The following PYY variants were observed in gnomAD, a reference collection of about 807,000 sequenced individuals.
PYY encodes the protein peptide tyrosine tyrosine.
Under a neutral mutation model 10.3 loss-of-function variants are expected in PYY, and 12 were observed. The ratio of observed to expected loss-of-function variants is 1.17; its 90% CI spans 0.75 to 1.89. The LOEUF (loss-of-function observed/expected upper bound fraction) is 1.89, where lower values mean the gene tolerates loss of function less well. Ranked by LOEUF, PYY falls within the 40% of genes most tolerant of loss-of-function variation. PYY has a pLI of 0.00. For synonymous variants in PYY, 66 were observed against 62.0 expected (o/e 1.06, Z -0.30); for missense variants, 141 against 134.0 (o/e 1.05, Z -0.26).
intron 1 of PYY, among the ~76,000 whole-genome samples, chr17:43,974,702 G>A (rs1157125581): frequency 1.3e-5 from 2 of 152,170 alleles, no homozygotes; most frequent in East Asian, 3.9e-4. Flanking sequence ...AGTGTGAACA[G>A]TGGAGTTATC....
chr17:43,953,253 C>T (rs761117468), intron 2 of PYY, 43 bp downstream of exon 2: 2 of 1,607,696 alleles, frequency 1.2e-6, no homozygotes, highest in South Asian at 2.2e-5. Context: ...AGCGGGGCCG[C>T]AGGGTGAGAG....
At chr17:43,962,136 T>C (rs1184486471) in intron 2 of PYY, among the ~76,000 whole-genome samples, 5 of 152,184 alleles carry the variant, frequency 3.3e-5, no homozygotes, top group Non-Finnish European at 7.3e-5. Flanking sequence ...CCAGTCTCCC[T>C]TGCAGCCAAG....
Position 43,976,224 on chromosome 17 carries a change from T to TGCATAC in PYY, c.-462-9693_-462-9692insGTATGC, listed in dbSNP as rs1402592224. Among the ~76,000 whole-genome samples the TGCATAC allele has an allele frequency of 8.3e-5, 12 of 143,950 alleles. 1 individual carries two copies. Among genetic ancestry groups the TGCATAC allele is most frequent in the Admixed American group, 4.8e-4 (7 of 14,612 alleles). 94.4% of individuals were successfully genotyped at this position (143,950 alleles called of 152,430 possible). A position where few individuals can be genotyped will look rare whatever the true frequency, so the allele number is the denominator to read the frequency against. On this transcript the variant is annotated intron_variant, in intron 1 of 6. Transcript: ENST00000360085. ...ATATACATATACGTATATGTATACA[T>TGCATAC]ATATACATATGCGTATATATACACA... is the stretch of plus-strand genomic sequence containing the variant.
chr17:44,002,852 C>T (rs866357849), intron 1 of PYY, among the ~76,000 whole-genome samples: 1 of 152,288 alleles, frequency 6.6e-6, no homozygotes, highest in African/African-American at 2.4e-5. Context: ...GCCTAGCATT[C>T]GACATGTGTT....
intron 1 of PYY, 46 bp from the exon 2 acceptor site, chr17:43,953,529 T>A: frequency 8.0e-6 from 12 of 1,498,562 alleles, no homozygotes; most frequent in Non-Finnish European, 1.1e-5. Flanking sequence ...GCCTCGACCC[T>A]ACACGGCGGG....
chr17:43,979,314 C>T (rs997085721), intron 1 of PYY, among the ~76,000 whole-genome samples: 4 of 152,208 alleles, frequency 2.6e-5, no homozygotes, highest in Non-Finnish European at 5.9e-5. Flanking sequence ...TTCTGCTGCA[C>T]ACTTAAATTT....
chr17:43,993,192 G>C (rs904533297), intron 1 of PYY, among the ~76,000 whole-genome samples: 1 of 152,110 alleles, frequency 6.6e-6, no homozygotes, highest in East Asian at 1.9e-4. Context: ...TGGGTGCTGT[G>C]GCTCACGCCT....
chr17:43,995,567 C>T (rs1330425597), intron 1 of PYY, among the ~76,000 whole-genome samples: 5 of 152,212 alleles, frequency 3.3e-5, no homozygotes, highest in African/African-American at 1.2e-4. Flanking sequence ...GGCACGGTGG[C>T]TCACGCCTGT....
intron 1 of PYY, among the ~76,000 whole-genome samples, chr17:43,966,829 T>C (rs905269667): frequency 6.6e-6 from 1 of 152,220 alleles, no homozygotes; most frequent in Non-Finnish European, 1.5e-5. Context: ...TACATGGTGG[T>C]GGCTCAAGTA....
At chr17:44,003,431 T>A (rs1359895676) in intron 1 of PYY, among the ~76,000 whole-genome samples, 3 of 150,032 alleles carry the variant, frequency 2.0e-5, no homozygotes, top group African/African-American at 7.4e-5. Flanking sequence ...CTGAGGCAGG[T>A]GGATCACGAG....
intron 1 of PYY, among the ~76,000 whole-genome samples, chr17:43,988,293 G>C (rs2048928220): frequency 6.6e-6 from 1 of 152,186 alleles, no homozygotes; most frequent in South Asian, 2.1e-4. Context: ...GGAATCATCA[G>C]ACCTCTTGCG....
upstream of PYY, among the ~76,000 whole-genome samples, chr17:43,956,406 A>G (rs868661622): frequency 2.0e-5 from 3 of 148,680 alleles, no homozygotes; most frequent in Non-Finnish European, 3.0e-5. Context: ...CCCTCGATCA[A>G]TGGGCTCAGC....
chr17:43,969,515 CA>C (rs71361552), intron 1 of PYY, among the ~76,000 whole-genome samples: 17,645 of 90,074 alleles, frequency 0.2, 1,797 homozygotes, highest in East Asian at 0.53. Flanking sequence ...GACTCTGTCT[CA>C]AAAAAAAAAA....
At chr17:43,979,888 A>G (rs1237523285) in intron 1 of PYY, among the ~76,000 whole-genome samples, 1 of 152,094 alleles carries the variant, frequency 6.6e-6, no homozygotes. Context: ...ATAAATGTCA[A>G]AACACATTTT....
intron 1 of PYY, among the ~76,000 whole-genome samples, chr17:43,972,957 C>T (rs1259128508): frequency 2.0e-5 from 3 of 152,054 alleles, no homozygotes; most frequent in Non-Finnish European, 2.9e-5. Flanking sequence ...TCGTGATCCG[C>T]CCGCCTCAGC....
At chr17:43,981,867 T>C (rs2048885824) in intron 1 of PYY, among the ~76,000 whole-genome samples, 1 of 148,702 alleles carries the variant, frequency 6.7e-6, no homozygotes, top group Admixed American at 7.0e-5. Context: ...TTCTTTTGAA[T>C]TGTCCACCTT....
At chr17:43,967,691 T>C (rs1197990167) in intron 1 of PYY, among the ~76,000 whole-genome samples, 1 of 152,214 alleles carries the variant, frequency 6.6e-6, no homozygotes, top group Non-Finnish European at 1.5e-5. Flanking sequence ...TCCTGCTGAA[T>C]GCTGCTGTGA....
chr17:43,965,720 G>A (rs544764065), intron 2 of PYY, among the ~76,000 whole-genome samples: 24 of 130,520 alleles, frequency 1.8e-4, no homozygotes, highest in African/African-American at 6.1e-4. Context: ...CCCGGGAGGC[G>A]GAGGTTTCAG....
chr17:43,997,961 C>T (rs991374854), intron 1 of PYY, among the ~76,000 whole-genome samples: 3 of 151,814 alleles, frequency 2.0e-5, no homozygotes, highest in Non-Finnish European at 4.4e-5. Context: ...TTTTTTGAGA[C>T]AGAGTCTCAC....
Sources: gnomAD v4.1 joint callset for allele counts (sites outside exome capture counted in the v4.1 genomes callset) on GRCh38, gnomAD v4.1.1 for gene constraint, MANE v1.5 for transcripts, NCBI Gene and HGNC (gene_info 2026-07-23, HGNC 2026-07-21) for gene names.